Variants in ZNF385D observed in about 807,000 individuals in gnomAD.
ZNF385D encodes zinc finger protein 659.
A neutral mutation model predicts 35.8 loss-of-function variants in ZNF385D; 15 were observed. That is an observed-to-expected ratio of 0.42 (90% CI 0.28 to 0.64). The LOEUF (loss-of-function observed/expected upper bound fraction) is 0.64, where lower values mean the gene tolerates loss of function less well. Among genes scored for constraint, ZNF385D ranks in the 30% least tolerant of loss-of-function variants. The pLI is 0.23. For synonymous variants in ZNF385D, 212 were observed against 186.8 expected, an observed-to-expected ratio of 1.13 and a Z score of -1.10; for missense variants, 474 against 494.6, an observed-to-expected ratio of 0.96 and a Z score of 0.39.
intron 3 of ZNF385D, among the ~76,000 whole-genome samples, chr3:21,794,556 G>T (rs933786027): frequency 6.6e-5 from 10 of 152,150 alleles, no homozygotes; most frequent in African/African-American, 2.4e-4. Flanking sequence ...TTGATATGCG[G>T]TGGGGGCTTG....
chr3:21,569,529 G>A (rs1175207727), intron 2 of ZNF385D, among the ~76,000 whole-genome samples: 2 of 150,818 alleles, frequency 1.3e-5, no homozygotes, highest in African/African-American at 4.9e-5. Flanking sequence ...TTGCCAGTCT[G>A]TGTCTTTTAA....
chr3:22,301,806 C>A (rs996952892), intron 2 of ZNF385D, among the ~76,000 whole-genome samples: 52 of 152,150 alleles, frequency 3.4e-4, no homozygotes, highest in Non-Finnish European at 6.8e-4. Context: ...ACATGTTATG[C>A]AGCAATATAT....
At chr3:22,262,994 C>G (rs950182624) in intron 2 of ZNF385D, among the ~76,000 whole-genome samples, 1 of 151,950 alleles carries the variant, frequency 6.6e-6, no homozygotes, top group Non-Finnish European at 1.5e-5. Context: ...CACAGTCAGA[C>G]CTATCTTCAA....
chr3:22,036,727 T>TTA (rs1192401834), intron 3 of ZNF385D, among the ~76,000 whole-genome samples: 4,587 of 149,082 alleles, frequency 0.031, 269 homozygotes, highest in African/African-American at 0.11. Context: ...TTTTTTTTTT[T>TTA]ATACTCTAAG....
intron 2 of ZNF385D, among the ~76,000 whole-genome samples, chr3:21,654,021 T>G (rs1395238447): frequency 6.6e-6 from 1 of 152,020 alleles, no homozygotes; most frequent in Admixed American, 6.6e-5. Context: ...TTTTTCTATG[T>G]GATTTCTTTA....
intron 2 of ZNF385D, among the ~76,000 whole-genome samples, chr3:21,651,749 A>C (rs1236647428): frequency 6.6e-6 from 1 of 152,170 alleles, no homozygotes; most frequent in Admixed American, 6.5e-5. Context: ...AACTCTTCCT[A>C]ATACTCAGAG....
intron 3 of ZNF385D, among the ~76,000 whole-genome samples, chr3:21,784,816 C>T (rs976718172): frequency 6.6e-6 from 1 of 152,096 alleles, no homozygotes; most frequent in African/African-American, 2.4e-5. Context: ...ATGTCTCTCC[C>T]TGCCTTAGGC....
chr3:21,461,688 T>G (rs1703188418), intron 4 of ZNF385D, among the ~76,000 whole-genome samples: 3 of 152,258 alleles, frequency 2.0e-5, no homozygotes, highest in Admixed American at 2.0e-4. Flanking sequence ...AAATAGTAAC[T>G]TAATTGCCTT....
At chr3:22,345,771 G>T (rs947035685) in intron 2 of ZNF385D, among the ~76,000 whole-genome samples, 1 of 152,154 alleles carries the variant, frequency 6.6e-6, no homozygotes, top group African/African-American at 2.4e-5. Context: ...TCACTTAGGG[G>T]AAGACAGTCC....
intron 3 of ZNF385D, among the ~76,000 whole-genome samples, chr3:22,066,625 A>C (rs1699977644): frequency 6.6e-6 from 1 of 150,794 alleles, no homozygotes; most frequent in Non-Finnish European, 1.5e-5. Context: ...TCTGTGCACC[A>C]GTGAGAATTA....
intron 3 of ZNF385D, among the ~76,000 whole-genome samples, chr3:22,012,617 G>C (rs1469775508): frequency 6.6e-6 from 1 of 152,010 alleles, no homozygotes; most frequent in Non-Finnish European, 1.5e-5. Flanking sequence ...TAATGAGATA[G>C]GAATGTGGAT....
At chr3:22,303,943 A>C (rs559567683) in intron 2 of ZNF385D, among the ~76,000 whole-genome samples, 2 of 152,036 alleles carry the variant, frequency 1.3e-5, no homozygotes. Flanking sequence ...ACGCCCGGCT[A>C]ATTTTTGTAT....
At chr3:21,920,802 T>A (rs1700420443) in intron 3 of ZNF385D, among the ~76,000 whole-genome samples, 1 of 152,182 alleles carries the variant, frequency 6.6e-6, no homozygotes, top group African/African-American at 2.4e-5. Context: ...GTTATTTCCC[T>A]GTTATGACAA....
At chr3:22,109,323 C>T (rs1702387953) in intron 3 of ZNF385D, among the ~76,000 whole-genome samples, 1 of 152,132 alleles carries the variant, frequency 6.6e-6, no homozygotes, top group Non-Finnish European at 1.5e-5. Flanking sequence ...AAAATATGAA[C>T]ATATAAGGAT....
chr3:21,564,454 C>T, intron 3 of ZNF385D, 120 bp downstream of exon 3: 1 of 531,276 alleles, frequency 1.9e-6, no homozygotes, highest in Non-Finnish European at 3.1e-6. Flanking sequence ...AAAATGTTAT[C>T]TTTGAATTTT....
intron 2 of ZNF385D, among the ~76,000 whole-genome samples, chr3:22,284,167 AAC>A (rs1229588289): frequency 6.8e-6 from 1 of 147,734 alleles, no homozygotes; most frequent in East Asian, 2.0e-4. Flanking sequence ...ATTATCAATA[AAC>A]ACAGGATTTT....
chr3:21,499,913 T>A (rs940295660), intron 4 of ZNF385D, among the ~76,000 whole-genome samples: 1 of 152,186 alleles, frequency 6.6e-6, no homozygotes, highest in Non-Finnish European at 1.5e-5. Flanking sequence ...GGGATTAATA[T>A]GCTTTCTGCC....
chr3:21,805,893 T>C (rs2072619192), intron 3 of ZNF385D, among the ~76,000 whole-genome samples: 1 of 152,162 alleles, frequency 6.6e-6, no homozygotes, highest in South Asian at 2.1e-4. Flanking sequence ...TTGGCCAAAA[T>C]GACTGCTTCA....
intron 3 of ZNF385D, among the ~76,000 whole-genome samples, chr3:22,066,563 T>C (rs1251733333): frequency 3.0e-5 from 4 of 134,626 alleles, no homozygotes; most frequent in Non-Finnish European, 5.0e-5. Flanking sequence ...TGTGTGTGTG[T>C]GTGTGTGTGT....
Sources: allele counts gnomAD v4.1 joint callset (sites outside exome capture counted in the v4.1 genomes callset), GRCh38; gene constraint gnomAD v4.1.1; transcripts MANE v1.5; gene names NCBI Gene and HGNC (gene_info 2026-07-23, HGNC 2026-07-21).